The following C19orf47 variants were observed in gnomAD, a reference collection of about 807,000 sequenced individuals.
The protein encoded by C19orf47 is uncharacterized protein C19orf47.
In C19orf47, 18 loss-of-function variants were observed where a neutral mutation model predicts 32.3. That is an observed-to-expected ratio of 0.56 (90% CI 0.39 to 0.83). The LOEUF (loss-of-function observed/expected upper bound fraction) is 0.83. Among genes scored for constraint, C19orf47 ranks in the 40% least tolerant of loss-of-function variants. The probability of loss-of-function intolerance (pLI) is 0.00; values close to 1 mark genes in which losing one functional copy is unlikely to be tolerated. For synonymous variants in C19orf47, 202 were observed against 211.1 expected, an observed-to-expected ratio of 0.96 and a Z score of 0.37; for missense variants, 484 against 531.6, an observed-to-expected ratio of 0.91 and a Z score of 0.88.
rs751821059 is a variant in C19orf47 at position 40,328,541 on chromosome 19, C to T, written c.311G>A (p.Arg104Gln). 16 of 1,604,536 alleles carry T rather than the reference C, an allele frequency of 1.0e-5. No homozygotes were observed. The highest frequency in any genetic ancestry group is 2.7e-5 in the African/African-American group (2 of 74,254). ...ATGGTTCAGGCTGTTGGTGATCATT[C>T]GGGAGGCAGCTGTGGGGAGAAAAGG... ...EIRRGTSAAS[R>Q]MITNSLNHDS... Residue 104 changes from arginine (R) to glutamine (Q), a missense_variant, in exon 6 of 9, where the codon CGA becomes CAA. Transcript: ENST00000683109.
chr19:40,317,717 G>GTTTTTTTTTTGT (rs1555783699), downstream of C19orf47, among the ~76,000 whole-genome samples: 90 of 145,910 alleles, frequency 6.2e-4, 2 homozygotes, highest in African/African-American at 3.8e-4. Flanking sequence ...CAAATCCACT[G>GTTTTTTTTTTGT]TTTTTTTTTT....
intron 1 of C19orf47, among the ~76,000 whole-genome samples, chr19:40,347,507 G>A (rs1451137462): frequency 1.3e-5 from 2 of 151,710 alleles, no homozygotes; most frequent in East Asian, 3.9e-4. Flanking sequence ...ACTCCAGCCT[G>A]GGCAACAAGA....
In C19orf47 at chr19:40,319,972, A is replaced by C. The variant is rs1181735303; in HGVS notation, c.*1910T>G. 1.3e-5 allele frequency: 2 copies of C among 153,654 alleles called. No individual in the cohort carries two copies. The highest frequency in any genetic ancestry group is 2.9e-5 in the Non-Finnish European group (2 of 68,214). The allele number at this position is 153,654 out of a possible 1,614,324, so 9.5% of individuals were successfully genotyped here. A position where few individuals can be genotyped will look rare whatever the true frequency, so the allele number is the denominator to read the frequency against. On this transcript the variant is annotated 3_prime_UTR_variant, in exon 9 of 9. Coordinates refer to ENST00000683109, the MANE Select transcript of C19orf47 (RefSeq NM_001256441.2). ...TCAGAACACAGCTCCCTCTTCCTTG[A>C]CCTTCCTCCCGTCTCCCCTTCTCTG...
chr19:40,311,603 C>T, the C19orf47 span, among the ~76,000 whole-genome samples: 1 of 152,002 alleles, frequency 6.6e-6, no homozygotes, highest in African/African-American at 2.4e-5. Flanking sequence ...TGTCTTACCC[C>T]ACACCTTGCG....
intron 5 of C19orf47, among the ~76,000 whole-genome samples, chr19:40,331,673 CAGTTTTGGGCGGCTT>C (rs1429898457): frequency 1.3e-5 from 2 of 151,946 alleles, no homozygotes; most frequent in Non-Finnish European, 2.9e-5. Context: ...TTTTAAAGCA[CAGTTTTGGGCGGCTT>C]AGTTATCAGC....
intron 2 of C19orf47, among the ~76,000 whole-genome samples, chr19:40,338,250 T>C (rs991526855): frequency 3.6e-5 from 4 of 111,036 alleles, no homozygotes; most frequent in Non-Finnish European, 7.9e-5. Flanking sequence ...ATTTTTTGTA[T>C]ATATATACAT....
At position 40,321,617 on chromosome 19, in the gene C19orf47, G is replaced by A; in HGVS notation, c.*265C>T. ...GGCACTTGGGAGAGGTAGAAAAGTG[G>A]GTTCTGCCAAGGCCACAGCCAGAGA... On this transcript the variant is annotated 3_prime_UTR_variant, in exon 9 of 9. Transcript: ENST00000683109. 7.9e-7 allele frequency: 1 copy of A among 1,258,850 alleles called. No individual in the cohort carries two copies. Among genetic ancestry groups the A allele is most frequent in the Non-Finnish European group, 1.0e-6 (1 of 1,000,682 alleles). 78.0% of individuals were successfully genotyped at this position (1,258,850 alleles called of 1,614,324 possible).
At chr19:40,348,416 G>A (rs749592252), upstream of C19orf47, 17 of 1,464,100 alleles carry the variant, frequency 1.2e-5, 1 homozygote, top group South Asian at 1.8e-4. Flanking sequence ...CGGGCTGCCC[G>A]CCCCGGAAGC....
chr19:40,345,536 T>TAAAAA (rs55954294), intron 1 of C19orf47, among the ~76,000 whole-genome samples: 1 of 110,848 alleles, frequency 9.0e-6, no homozygotes. Flanking sequence ...CTGTCACTGT[T>TAAAAA]AAAAAAAAAA....
In C19orf47 at chr19:40,336,126, T is replaced by A; in HGVS notation, c.206A>T (p.Lys69Ile). ...AGCACCCACCTGACGGTGCACCACT[T>A]TGGCATGCTTGAGAATGGCGATGAT... ...GDIIAILKHA[K>I]VVHRQDMCKA... Residue 69 changes from lysine (K) to isoleucine (I), a missense_variant, in exon 4 of 9, where the codon AAA (lysine) becomes ATA (isoleucine). Lys to Ile is a moderately radical substitution (Grantham distance 102). Coordinates refer to ENST00000683109, the MANE Select transcript of C19orf47 (RefSeq NM_001256441.2). 6.2e-7 allele frequency: 1 copy of A among 1,614,152 alleles called. No homozygotes were observed. The highest frequency in any genetic ancestry group is 1.1e-5 in the South Asian group (1 of 91,082).
In C19orf47 at chr19:40,331,147, T is replaced by C. The variant is rs749013881; in HGVS notation, c.302-2597A>G. Among the ~76,000 whole-genome samples the C allele has an allele frequency of 3.7e-4, 57 of 152,250 alleles. 1 individual carries two copies. The highest frequency in any genetic ancestry group is 1.2e-3 in the Admixed American group (18 of 15,286). On this transcript the variant is annotated intron_variant, in intron 5 of 8. Coordinates refer to ENST00000683109, the MANE Select transcript of C19orf47 (RefSeq NM_001256441.2). ...GCCCTACCCACAATGACTGTGGACT[T>C]AGCCATGTAACTTGCTTTGGCCAAC...
At chr19:40,341,751 C>T in intron 2 of C19orf47, 88 bp downstream of exon 2, 1 of 1,519,998 alleles carries the variant, frequency 6.6e-7, no homozygotes, top group Admixed American at 2.0e-5. Context: ...CCAGTCCTCC[C>T]TCCCCCATCC....
the C19orf47 span, among the ~76,000 whole-genome samples, chr19:40,309,062 A>C: frequency 6.6e-6 from 1 of 152,158 alleles, no homozygotes; most frequent in African/African-American, 2.4e-5. Context: ...ACCACGTTTC[A>C]AATAAACAAA....
Position 40,341,934 on chromosome 19 carries a change from G to GC in C19orf47, c.-33-45_-33-44insG, listed in dbSNP as rs1460918171. On this transcript the variant is annotated intron_variant, in intron 1 of 8. Coordinates refer to ENST00000683109, the MANE Select transcript of C19orf47 (RefSeq NM_001256441.2). The stretch of plus-strand genomic sequence containing the variant: ...GAGAGCCCATGAGCTGCTGCCGGCT[G>GC]TGAGTGTTTGTCCCTCTCCTGTGCC... 2.0e-6 allele frequency: 3 copies of GC among 1,532,166 alleles called. No homozygotes were observed. In the African/African-American group the frequency reaches 4.1e-5, roughly 21 times the overall value. The allele number at this position is 1,532,166 out of a possible 1,614,324, so 94.9% of individuals were successfully genotyped here. A position where few individuals can be genotyped will look rare whatever the true frequency, so the allele number is the denominator to read the frequency against.
intron 1 of C19orf47, 72 bp from the exon 2 acceptor site, chr19:40,341,962 T>C (rs1331347989): frequency 1.9e-5 from 29 of 1,534,810 alleles, no homozygotes; most frequent in South Asian, 2.4e-5. Context: ...CCTGTGCCTG[T>C]CTGTCTGCAT....
chr19:40,311,124 C>G, the C19orf47 span, among the ~76,000 whole-genome samples: 1 of 152,122 alleles, frequency 6.6e-6, no homozygotes, highest in Non-Finnish European at 1.5e-5. Flanking sequence ...CGACTGCAAT[C>G]CCAGCACTTT....
chr19:40,318,040 C>G (rs2077674927), downstream of C19orf47, among the ~76,000 whole-genome samples: 1 of 151,942 alleles, frequency 6.6e-6, no homozygotes, highest in Non-Finnish European at 1.5e-5. Flanking sequence ...GTCTTAAGAC[C>G]TCCGCCTTGA....
chr19:40,337,964 C>A (rs1568622190), intron 2 of C19orf47, among the ~76,000 whole-genome samples: 1 of 152,200 alleles, frequency 6.6e-6, no homozygotes, highest in East Asian at 1.9e-4. Context: ...TAACTATCAA[C>A]AAGCACCACA....
intron 1 of C19orf47, among the ~76,000 whole-genome samples, chr19:40,346,192 C>T (rs1298398712): frequency 7.0e-6 from 1 of 142,284 alleles, no homozygotes; most frequent in African/African-American, 2.6e-5. Context: ...CAATTCTTGG[C>T]CAGCACCTTG....
Sources: allele counts gnomAD v4.1 joint callset (sites outside exome capture counted in the v4.1 genomes callset), GRCh38; gene constraint gnomAD v4.1.1; transcripts MANE v1.5; gene names NCBI Gene and HGNC (gene_info 2026-07-23, HGNC 2026-07-21).